Variants in PINK1 observed in about 807,000 individuals in gnomAD.
PINK1 encodes the protein serine/threonine-protein kinase PINK1, mitochondrial.
Under a neutral mutation model 56.0 loss-of-function variants are expected in PINK1, and 58 were observed. That is an observed-to-expected ratio of 1.04 (90% CI 0.84 to 1.29). PINK1 has a LOEUF of 1.29. PINK1 is among the 50% of genes most tolerant of loss of function. The pLI is 0.00. For synonymous variants in PINK1, 354 were observed against 339.3 expected, an observed-to-expected ratio of 1.04 and a Z score of -0.48; for missense variants, 745 against 777.9, an observed-to-expected ratio of 0.96 and a Z score of 0.50.
chr1:20,648,805 G>GGA lies in PINK1; in HGVS notation c.1251+176_1251+177dup. The stretch of plus-strand genomic sequence containing the variant: ...TCCTCCGGCGTTCCCTCATGTTCCA[G>GGA]GAGAATGCAAGTCCTGTCACATAAA... On this transcript the variant is annotated intron_variant, in intron 6 of 7. Coordinates refer to ENST00000321556, the MANE Select transcript of PINK1 (RefSeq NM_032409.3). The GGA allele has an allele frequency of 4.5e-6, 6 of 1,328,158 alleles. No homozygotes were observed. In the East Asian group the frequency reaches 1.0e-4, roughly 22 times the overall value. 82.3% of individuals were successfully genotyped at this position (1,328,158 alleles called of 1,614,324 possible).
At chr1:20,644,372 C>T in intron 3 of PINK1, 118 bp from the exon 4 acceptor site, 4 of 1,202,354 alleles carry the variant, frequency 3.3e-6, no homozygotes, top group South Asian at 1.2e-5. Flanking sequence ...CTATGATAAA[C>T]ATTTGATAGT....
intron 5 of PINK1, 85 bp from the exon 6 acceptor site, chr1:20,648,420 G>C (rs1036788368): frequency 1.8e-5 from 29 of 1,584,740 alleles, no homozygotes; most frequent in Middle Eastern, 1.7e-4. Flanking sequence ...GCTATGTCTT[G>C]CTGGTGGCTT....
At chr1:20,650,351 G>A (rs1172023239) in intron 7 of PINK1, 83 bp from the exon 8 acceptor site, 1 of 1,564,194 alleles carries the variant, frequency 6.4e-7, no homozygotes, top group Non-Finnish European at 8.7e-7. Context: ...ACCAGAGAAG[G>A]GAAGACCCTC....
intron 7 of PINK1, 34 bp from the exon 8 acceptor site, chr1:20,650,400 G>A: frequency 6.2e-7 from 1 of 1,612,788 alleles, no homozygotes; most frequent in East Asian, 2.2e-5. Flanking sequence ...TGTGTTAACA[G>A]ATGTTCTAGC....
Position 20,638,080 on chromosome 1 carries a change from CG to C in PINK1, c.631del (p.Ala211ProfsTer10). ...SAPGEGQERA[P>X]GAPAFPLAIK... ...CCAGGAGAAGGGCAGGAGCGAGCTC[CG>C]GGGGCCCCTGCCTTCCCCTTGGCCA... On this transcript the variant is annotated frameshift_variant, in exon 2 of 8. Transcript: ENST00000321556. LOFTEE classifies it high-confidence loss of function. 1.2e-6 allele frequency: 2 copies of C among 1,613,888 alleles called. No homozygotes were observed. Among genetic ancestry groups the C allele is most frequent in the South Asian group, 1.1e-5 (1 of 91,070 alleles).
Position 20,633,538 on chromosome 1 carries a change from G to T in PINK1, c.-11G>T. The T allele has an allele frequency of 8.6e-7, 1 of 1,156,816 alleles. No individual in the cohort carries two copies. Among genetic ancestry groups the T allele is most frequent in the Non-Finnish European group, 1.1e-6 (1 of 940,150 alleles). The allele number at this position is 1,156,816 out of a possible 1,614,324, so 71.7% of individuals were successfully genotyped here. A position where few individuals can be genotyped will look rare whatever the true frequency, so the allele number is the denominator to read the frequency against. ...GCGGCGGCTGCGGGGGCACCGGGCC[G>T]CGGCGCCACCATGGCGGTGCGACAG... On this transcript the variant is annotated 5_prime_UTR_variant, in exon 1 of 8. Transcript: ENST00000321556.
rs2053114131 is a variant in PINK1, at chr1:20,641,349, G to A, written c.776+1357G>A. ...GATGCCTCCTTTTGTGGCATGAGTG[G>A]CAGCCGGCCGACGTGGTGCTGTCCT... On this transcript the variant is annotated intron_variant, in intron 3 of 7. Transcript: ENST00000321556. The surrounding 1 kb of genome is among the most constrained non-coding windows in gnomAD (Gnocchi z 4.0). Among the ~76,000 whole-genome samples, 1 of 152,094 alleles carries A rather than the reference G, an allele frequency of 6.6e-6. No individual in the cohort carries two copies. Among genetic ancestry groups the A allele is most frequent in the Non-Finnish European group, 1.5e-5 (1 of 68,030 alleles).
In PINK1 at chr1:20,651,122, A is replaced by AAATT. The variant is rs1557568988; in HGVS notation, c.*433_*436dup. The AAATT allele has an allele frequency of 3.5e-5, 9 of 258,382 alleles. No individual in the cohort carries two copies. In the East Asian group the frequency reaches 6.5e-4, roughly 19 times the overall value. The allele number at this position is 258,382 out of a possible 1,614,324, so 16.0% of individuals were successfully genotyped here. On this transcript the variant is annotated 3_prime_UTR_variant, in exon 8 of 8. Coordinates refer to ENST00000321556, the MANE Select transcript of PINK1 (RefSeq NM_032409.3). ...CAGCACGTTCAGTTACGGGAGTGGG[A>AAATT]AATTACATGAGGCCTGGGCCTCTGC...
chr1:20,639,893 C>G lies in PINK1; in HGVS notation c.677C>G (p.Ala226Gly). ...CTGGGTTCCTTGTGGGTGTTCCAGG[C>G]AGGTTCCTCCAGCGAAGCCATCTTG... is the stretch of plus-strand genomic sequence containing the variant. ...LAIKMMWNIS[A>G]GSSSEAILNT... The change falls in exon 3 of 8, where the codon GCA (alanine) becomes GGA (glycine). Residue 226 changes from alanine to glycine, a missense_variant and splice_region_variant. Physicochemically the swap from Ala to Gly is moderately conservative, Grantham distance 60. Coordinates refer to ENST00000321556, the MANE Select transcript of PINK1 (RefSeq NM_032409.3). 1.2e-6 allele frequency: 2 copies of G among 1,611,514 alleles called. No homozygotes were observed. Among genetic ancestry groups the G allele is most frequent in the Non-Finnish European group, 1.7e-6 (2 of 1,179,088 alleles).
chr1:20,648,003 A>AG (rs2053208622), intron 5 of PINK1, among the ~76,000 whole-genome samples: 1 of 150,372 alleles, frequency 6.7e-6, no homozygotes, highest in African/African-American at 2.5e-5. Context: ...TAGTAGAGAC[A>AG]GGGGTTTCAC....
chr1:20,649,939 G>A (rs2053244289), intron 7 of PINK1: 1 of 230,468 alleles, frequency 4.3e-6, no homozygotes. Context: ...GAATGCAAAG[G>A]CAGACCTATC....
At position 20,637,888 on chromosome 1, in the gene PINK1, C is replaced by T. The variant is rs45604240; in HGVS notation, c.434C>T (p.Thr145Met). ...KSKPGPDPLD[T>M]RRLQGFRLEE... The stretch of plus-strand genomic sequence containing the variant: ...AAGCCGGGGCCTGACCCGTTGGACA[C>T]GAGACGCTTGCAGGGCTTTCGGCTG... Residue 145 changes from threonine (T) to methionine (M), a missense_variant, in exon 2 of 8, where the codon ACG becomes ATG. By Grantham distance (81) the Thr-to-Met change is moderately conservative. Coordinates refer to ENST00000321556, the MANE Select transcript of PINK1 (RefSeq NM_032409.3). The T allele has an allele frequency of 3.9e-5, 63 of 1,614,078 alleles. 1 individual carries two copies. The Middle Eastern group carries it at 4.1e-3, about 105-fold the overall frequency.
Position 20,645,695 on chromosome 1 carries a change from C to T in PINK1, c.1095C>T (p.Ser365=), listed in dbSNP as rs559921009. ...GCATCGCGCACAGAGACCTGAAATC[C>T]GACAACATCCTTGTGGAGCTGGACC... is the stretch of plus-strand genomic sequence containing the variant. ...QQGIAHRDLK[S]DNILVELDPD... The change falls in exon 5 of 8, where the codon TCC becomes TCT. Residue 365 remains serine, a synonymous_variant. Transcript: ENST00000321556. 1.1e-4 allele frequency: 184 copies of T among 1,614,050 alleles called. 1 individual carries two copies. The South Asian group carries it at 1.5e-3, about 13-fold the overall frequency.
intron 3 of PINK1, 148 bp from the exon 4 acceptor site, chr1:20,644,342 G>A: frequency 1.0e-6 from 1 of 954,206 alleles, no homozygotes; most frequent in South Asian, 1.3e-5. Flanking sequence ...ACCATGTACA[G>A]TACCTGGCAC....
chr1:20,637,720 TG>T, intron 1 of PINK1, 121 bp from the exon 2 acceptor site: 2 of 1,146,822 alleles, frequency 1.7e-6, no homozygotes, highest in Non-Finnish European at 2.6e-6. Context: ...TGTGTTTTTC[TG>T]GTTTATTGAT....
chr1:20,645,534 C>T (rs2053168592), intron 4 of PINK1, 26 bp from the exon 5 acceptor site: 1 of 1,609,880 alleles, frequency 6.2e-7, no homozygotes, highest in African/African-American at 1.3e-5. Flanking sequence ...GTGTGGTAGC[C>T]AGAGGCCCTC....
intron 2 of PINK1, chr1:20,639,435 CTGTT>C (rs1188875257): frequency 1.6e-5 from 4 of 254,160 alleles, no homozygotes; most frequent in African/African-American, 6.6e-5. Context: ...TGGTTTTTGT[CTGTT>C]TGTCGTGGGG....
In PINK1 at chr1:20,651,218, A is replaced by G. The variant is rs2053269724; in HGVS notation, c.*527A>G. 1 of 169,428 alleles carries G rather than the reference A, an allele frequency of 5.9e-6. No homozygotes were observed. The highest frequency in any genetic ancestry group is 5.6e-5 in the Admixed American group (1 of 17,798). 10.5% of individuals were successfully genotyped at this position (169,428 alleles called of 1,614,324 possible). On this transcript the variant is annotated 3_prime_UTR_variant, in exon 8 of 8. Transcript: ENST00000321556. ...CACTTAGCGAAAGTGACGGATGAGC[A>G]GTAAGTAAGTAAGTGTGGGGATTTA...
Position 20,650,508 on chromosome 1 carries a change from T to C in PINK1, c.1563T>C (p.Asn521=). Residue 521 remains asparagine, a synonymous_variant, in exon 8 of 8, where the codon AAT becomes AAC. Coordinates refer to ENST00000321556, the MANE Select transcript of PINK1 (RefSeq NM_032409.3). ...LWGEHILALK[N]LKLDKMVGWL... ...GTGAACATATTCTAGCCCTGAAGAA[T>C]CTGAAGTTAGACAAGATGGTTGGCT... 1 of 1,614,186 alleles carries C rather than the reference T, an allele frequency of 6.2e-7. No individual in the cohort carries two copies. Among genetic ancestry groups the C allele is most frequent in the Non-Finnish European group, 8.5e-7 (1 of 1,180,022 alleles).
Sources: allele counts gnomAD v4.1 joint callset (sites outside exome capture counted in the v4.1 genomes callset), GRCh38; gene constraint gnomAD v4.1.1; non-coding constraint Gnocchi (gnomAD v3.1); transcripts MANE v1.5; gene names NCBI Gene and HGNC (gene_info 2026-07-23, HGNC 2026-07-21).